The following UTY variants were observed in gnomAD, a reference collection of about 807,000 sequenced individuals.
UTY encodes the protein ubiquitously transcribed tetratricopeptide repeat containing, Y-linked.
In UTY, 12 loss-of-function variants were observed where a neutral mutation model predicts 32.5. The observed-to-expected ratio is 0.37, with a 90% CI of 0.24 to 0.60. The LOEUF is 0.60. Ranked by LOEUF, UTY falls within the 20% of genes least tolerant of loss-of-function variation. UTY has a pLI of 0.69. For synonymous variants in UTY, 131 were observed against 103.4 expected (o/e 1.27, Z -1.62); for missense variants, 303 against 299.2 (o/e 1.01, Z -0.09).
chrY:13,352,075 A>G, intron 17 of UTY, among the ~76,000 whole-genome samples: 1 of 33,439 alleles, frequency 3.0e-5, no homozygotes, highest in Non-Finnish European at 7.4e-5. Flanking sequence ...GGCACCACAG[A>G]TAGGGCAGCA....
intron 27 of UTY, among the ~76,000 whole-genome samples, chrY:13,284,364 T>TA (rs2057222102): frequency 3.0e-5 from 1 of 33,820 alleles, no homozygotes; most frequent in African/African-American, 1.1e-4. Flanking sequence ...ATGTTAATTA[T>TA]AAAAAAAATT....
chrY:13,402,333 C>A, intron 6 of UTY, among the ~76,000 whole-genome samples: 2 of 33,299 alleles, frequency 6.0e-5, no homozygotes, highest in Non-Finnish European at 1.5e-4. Flanking sequence ...GTCACCCAAT[C>A]CTCAAATTAT....
chrY:13,452,960 A>G (rs2150102995), intron 3 of UTY, among the ~76,000 whole-genome samples: 1 of 33,975 alleles, frequency 2.9e-5, no homozygotes, highest in Admixed American at 2.7e-4. Flanking sequence ...AAGCAAAGGC[A>G]TTGCTCCAGA....
intron 4 of UTY, among the ~76,000 whole-genome samples, chrY:13,438,133 A>C: frequency 3.1e-5 from 1 of 32,522 alleles, no homozygotes; most frequent in African/African-American, 1.2e-4. Flanking sequence ...CAAGTTTCTC[A>C]CTTTTAGCTG....
exon 29 of UTY, chrY:13,234,793 A>G (rs2053835773): frequency 7.8e-6 from 1 of 127,518 alleles, no homozygotes; most frequent in Non-Finnish European, 1.7e-5. Context: ...GAGGAAGTGA[A>G]TGCCGACTGG....
At position 13,479,590 on chromosome Y, in the gene UTY, T is replaced by C; in HGVS notation, c.76A>G (p.Lys26Glu). 2.5e-6 allele frequency: 1 copy of C among 398,785 alleles called. No homozygotes were observed. The highest frequency in any genetic ancestry group is 3.5e-6 in the Non-Finnish European group (1 of 283,555). ...GDEAKKMAEG[K>E]ASRESEEESV... ...TCCTCTTCACTCTCGCGGCTCGCTT[T>C]TCCTTCCGCCATTTTCTTTGCCTCA... The change falls in exon 1 of 30, where the codon AAA (lysine) becomes GAA (glutamate). Residue 26 changes from lysine to glutamate, a missense_variant. By Grantham distance (56) the Lys-to-Glu change is moderately conservative. Transcript: ENST00000545955.
chrY:13,358,288 G>T, intron 14 of UTY, 176 bp downstream of exon 14: 1 of 221,959 alleles, frequency 4.5e-6, no homozygotes, highest in Non-Finnish European at 5.4e-6. Flanking sequence ...AAAATGACGT[G>T]ATGAACACAA....
At chrY:13,473,074 T>G (rs2078666080) in intron 2 of UTY, among the ~76,000 whole-genome samples, 1 of 33,408 alleles carries the variant, frequency 3.0e-5, no homozygotes, top group African/African-American at 1.2e-4. Flanking sequence ...CCGCCCAACA[T>G]GGTGAAAACC....
chrY:13,270,710 A>G, intron 27 of UTY, among the ~76,000 whole-genome samples: 1 of 33,881 alleles, frequency 3.0e-5, no homozygotes, highest in Non-Finnish European at 7.3e-5. Context: ...AGGTATCACA[A>G]TAACCATCAA....
chrY:13,476,451 C>A (rs2079071014), intron 2 of UTY, among the ~76,000 whole-genome samples: 3 of 32,762 alleles, frequency 9.2e-5, no homozygotes, highest in Admixed American at 2.7e-4. Context: ...GTATAAAAAA[C>A]CACTCAAAGC....
intron 21 of UTY, among the ~76,000 whole-genome samples, chrY:13,315,335 G>A: frequency 2.9e-5 from 1 of 34,304 alleles, no homozygotes; most frequent in Non-Finnish European, 7.3e-5. Flanking sequence ...ATGACAGGGC[G>A]CAGTGGCTCA....
chrY:13,363,770 T>C, intron 10 of UTY, among the ~76,000 whole-genome samples: 2 of 33,988 alleles, frequency 5.9e-5, no homozygotes, highest in East Asian at 7.6e-4. Context: ...GCTAACAGTA[T>C]ATAACAGTGC....
chrY:13,277,678 G>A, intron 27 of UTY, among the ~76,000 whole-genome samples: 1 of 33,447 alleles, frequency 3.0e-5, no homozygotes, highest in Middle Eastern at 0.014. Flanking sequence ...GTACCCACTG[G>A]GGGAGCATTT....
At chrY:13,307,331 T>C (rs767206541) in intron 21 of UTY, among the ~76,000 whole-genome samples, 1 of 33,605 alleles carries the variant, frequency 3.0e-5, no homozygotes, top group South Asian at 6.6e-4. Context: ...CAGAAATATT[T>C]CAAGAATATG....
At chrY:13,327,887 T>C in intron 18 of UTY, among the ~76,000 whole-genome samples, 1 of 34,013 alleles carries the variant, frequency 2.9e-5, no homozygotes, top group East Asian at 7.5e-4. Flanking sequence ...TTTCTTTATG[T>C]TAATTTCTTG....
At chrY:13,354,622 T>A in intron 17 of UTY, among the ~76,000 whole-genome samples, 1 of 33,838 alleles carries the variant, frequency 3.0e-5, no homozygotes, top group Non-Finnish European at 7.4e-5. Context: ...TGCTTAATGA[T>A]CACAGGCTTT....
At chrY:13,297,236 A>C in intron 27 of UTY, among the ~76,000 whole-genome samples, 1 of 33,744 alleles carries the variant, frequency 3.0e-5, no homozygotes, top group South Asian at 6.6e-4. Flanking sequence ...CAAGAGAAGC[A>C]AAGAGAGGTG....
intron 4 of UTY, among the ~76,000 whole-genome samples, chrY:13,428,367 G>A: frequency 3.0e-5 from 1 of 33,272 alleles, no homozygotes; most frequent in Non-Finnish European, 7.5e-5. Flanking sequence ...TTTGGTACAT[G>A]GTGAAAGGTA....
intron 10 of UTY, among the ~76,000 whole-genome samples, chrY:13,365,864 A>AATTT: frequency 3.0e-5 from 1 of 32,844 alleles, no homozygotes; most frequent in Non-Finnish European, 7.5e-5. Flanking sequence ...TTAATTAATT[A>AATTT]ATTTATTTAT....
Sources: gnomAD v4.1 joint callset for allele counts (sites outside exome capture counted in the v4.1 genomes callset) on GRCh38, gnomAD v4.1.1 for gene constraint, MANE v1.5 for transcripts, NCBI Gene and HGNC (gene_info 2026-07-23, HGNC 2026-07-21) for gene names.